Variants in SPG21 observed in about 807,000 individuals in gnomAD.
SPG21 encodes the protein SPG21 abhydrolase domain containing, maspardin.
Under a neutral mutation model 38.9 loss-of-function variants are expected in SPG21, and 26 were observed. The ratio of observed to expected loss-of-function variants is 0.67; its 90% CI spans 0.49 to 0.93. The LOEUF (loss-of-function observed/expected upper bound fraction) is 0.93, where lower values mean the gene tolerates loss of function less well. Ranked by LOEUF, SPG21 falls within the 40% of genes least tolerant of loss-of-function variation. The probability of loss-of-function intolerance (pLI) is 0.00; values close to 1 mark genes in which losing one functional copy is unlikely to be tolerated. For synonymous variants in SPG21, 136 were observed against 128.9 expected (o/e 1.05, Z -0.37); for missense variants, 333 against 376.5 (o/e 0.88, Z 0.96).
rs75375156 is a variant in SPG21 at position 64,980,388 on chromosome 15, C to G, written c.225+476G>C. Among the ~76,000 whole-genome samples the G allele has an allele frequency of 0.011, 1,634 of 152,210 alleles. 61 individuals carry two copies. The South Asian group carries it at 0.12, about 12-fold the overall frequency. On this transcript the variant is annotated intron_variant, in intron 3 of 8. Transcript: ENST00000204566. ...GTGACCGTGGACTCACACCAGCCTC[C>G]TTCAAAAGGCTTCATCTCACATATT...
At chr15:64,978,592 T>G (rs966407168) in intron 3 of SPG21, among the ~76,000 whole-genome samples, 1 of 152,216 alleles carries the variant, frequency 6.6e-6, no homozygotes, top group Non-Finnish European at 1.5e-5. Context: ...TTAGATTTGA[T>G]GTATGACTTT....
intron 5 of SPG21, among the ~76,000 whole-genome samples, chr15:64,974,000 AT>A: frequency 1.3e-5 from 2 of 152,200 alleles, no homozygotes. Flanking sequence ...ACACATAATA[AT>A]AAGTGGGATA....
intron 3 of SPG21, among the ~76,000 whole-genome samples, chr15:64,979,845 CAAAAAAAAAAA>C (rs71136305): frequency 8.9e-5 from 8 of 89,528 alleles, no homozygotes; most frequent in African/African-American, 1.5e-4. Context: ...TGGAAGCATG[CAAAAAAAAAAA>C]AAAAAAAAAA....
chr15:64,977,862 G>A (rs977055559), intron 3 of SPG21, among the ~76,000 whole-genome samples: 10 of 151,466 alleles, frequency 6.6e-5, no homozygotes, highest in Admixed American at 2.6e-4. Flanking sequence ...TCGCTCTGTC[G>A]CCCAGGCTGG....
chr15:64,968,471 A>G (rs945404855), intron 7 of SPG21, among the ~76,000 whole-genome samples: 43 of 152,264 alleles, frequency 2.8e-4, no homozygotes, highest in Admixed American at 2.2e-3. Flanking sequence ...TTCTACTTAT[A>G]TGAGGTTCTA....
At chr15:64,988,800 G>A (rs1002168648) in intron 1 of SPG21, 4 of 152,208 alleles carry the variant, frequency 2.6e-5, no homozygotes, top group African/African-American at 4.8e-5. Flanking sequence ...GGCTAACACG[G>A]TGAAACCCCG....
intron 4 of SPG21, among the ~76,000 whole-genome samples, chr15:64,975,638 T>C (rs1243974224): frequency 2.6e-5 from 4 of 152,062 alleles, no homozygotes; most frequent in African/African-American, 9.7e-5. Context: ...TGAAAACATA[T>C]GTCAACACAA....
rs1013639393 is a variant in SPG21, at chr15:64,981,143, C to G, written c.64-118G>C. The stretch of plus-strand genomic sequence containing the variant: ...TACTGCCTTGTTTGTTACAAGGTAA[C>G]CTGGAGCTCACACCAGATTAGCATG... On this transcript the variant is annotated intron_variant, in intron 2 of 8. Transcript: ENST00000204566. 13 of 1,240,218 alleles carry G rather than the reference C, an allele frequency of 1.0e-5. No homozygotes were observed. In the African/African-American group the frequency reaches 1.5e-4, roughly 14 times the overall value. 76.8% of individuals were successfully genotyped at this position (1,240,218 alleles called of 1,614,324 possible). A position where few individuals can be genotyped will look rare whatever the true frequency, so the allele number is the denominator to read the frequency against.
intron 3 of SPG21, 72 bp from the exon 4 acceptor site, chr15:64,976,627 T>C (rs2085780480): frequency 3.3e-6 from 4 of 1,209,180 alleles, no homozygotes; most frequent in Admixed American, 1.9e-5. Flanking sequence ...TTTGAAAAAC[T>C]TAGGACTCAA....
At position 64,974,104 on chromosome 15, in the gene SPG21, A is replaced by G. The variant is rs184160381; in HGVS notation, c.452+498T>C. 2.0e-5 allele frequency among the ~76,000 whole-genome samples: 3 copies of G among 152,344 alleles called. No individual in the cohort carries two copies. The East Asian group carries it at 5.8e-4, about 29-fold the overall frequency. ...AAACAAAATTTAAAAATTTAAGGTA[A>G]TAAAAAAAGCTGAATTTAGAGTTCA... On this transcript the variant is annotated intron_variant, in intron 5 of 8. Transcript: ENST00000204566.
Position 64,980,950 on chromosome 15 carries a change from T to C in SPG21, c.139A>G (p.Ile47Val), listed in dbSNP as rs2085873374. 6.2e-7 allele frequency: 1 copy of C among 1,614,020 alleles called. No individual in the cohort carries two copies. The highest frequency in any genetic ancestry group is 1.1e-5 in the South Asian group (1 of 91,080). ...AGPRSIRCPL[I>V]FLPPVSGTAD... Reference sequence around the variant, plus strand: ...GTTCCACTGACAGGGGGCAGGAATATGAGAGGACACCTGATACTTCGGGGG... The same window carrying C: ...GTTCCACTGACAGGGGGCAGGAATACGAGAGGACACCTGATACTTCGGGGG... The change falls in exon 3 of 9, where the codon ATA becomes GTA. Residue 47 changes from isoleucine (I) to valine (V), a missense_variant. By Grantham distance (29) the Ile-to-Val change is conservative. Transcript: ENST00000204566.
At chr15:64,968,340 C>CCAAAAAA (rs1260971823) in intron 7 of SPG21, among the ~76,000 whole-genome samples, 2 of 109,664 alleles carry the variant, frequency 1.8e-5, no homozygotes, top group African/African-American at 7.3e-5. Flanking sequence ...ACCCTGTTTC[C>CCAAAAAA]AAAAAAAAAA....
intron 2 of SPG21, chr15:64,983,179 AC>A (rs1478845826): frequency 3.8e-6 from 1 of 263,458 alleles, no homozygotes; most frequent in Non-Finnish European, 8.1e-6. Flanking sequence ...AATCTCTTGA[AC>A]CTGGGAAGCA....
intron 2 of SPG21, among the ~76,000 whole-genome samples, chr15:64,982,689 G>C (rs1455590902): frequency 6.6e-6 from 1 of 152,186 alleles, no homozygotes; most frequent in African/African-American, 2.4e-5. Flanking sequence ...CCAAACATCT[G>C]GGATTAATTT....
Position 64,971,077 on chromosome 15 carries a change from T to G in SPG21, c.453-855A>C, listed in dbSNP as rs551924658. On this transcript the variant is annotated intron_variant, in intron 5 of 8. Coordinates refer to ENST00000204566, the MANE Select transcript of SPG21 (RefSeq NM_016630.7). ...ATTAAAAAATTTAAAAAAAAACTTTTAGAGACAGGGTCTCACTCTGTTGCC... is the reference window on the plus strand; with the variant it reads ...ATTAAAAAATTTAAAAAAAAACTTTGAGAGACAGGGTCTCACTCTGTTGCC... 3.7e-4 allele frequency among the ~76,000 whole-genome samples: 56 copies of G among 152,266 alleles called. 1 individual carries two copies. In the Middle Eastern group the frequency reaches 0.01, roughly 28 times the overall value.
chr15:64,963,541 A>T lies in SPG21; in HGVS notation c.*79T>A. On this transcript the variant is annotated 3_prime_UTR_variant, in exon 9 of 9. Transcript: ENST00000204566. ...GTGAGCCTGACGAACCTGAAGGAAAAGGCTGGCTGACGGGTGCTGATGCCA... is the reference window on the plus strand; with the variant it reads ...GTGAGCCTGACGAACCTGAAGGAAATGGCTGGCTGACGGGTGCTGATGCCA... The T allele has an allele frequency of 8.3e-7, 1 of 1,210,124 alleles. No homozygotes were observed. The highest frequency in any genetic ancestry group is 1.2e-6 in the Non-Finnish European group (1 of 818,294). 75.0% of individuals were successfully genotyped at this position (1,210,124 alleles called of 1,614,324 possible). A position where few individuals can be genotyped will look rare whatever the true frequency, so the allele number is the denominator to read the frequency against.
rs2085870575 is a variant in SPG21 at position 64,980,848 on chromosome 15, A to C, written c.225+16T>G. The C allele has an allele frequency of 3.1e-6, 5 of 1,613,266 alleles. No individual in the cohort carries two copies. The highest frequency in any genetic ancestry group is 4.2e-6 in the Non-Finnish European group (5 of 1,179,752). The stretch of plus-strand genomic sequence containing the variant: ...CACACAAAACGTGGGTCTGAATTTT[A>C]ATCAGTAATACTTACAGCGATAACC... On this transcript the variant is annotated intron_variant, in intron 3 of 8. Transcript: ENST00000204566.
intron 7 of SPG21, 45 bp downstream of exon 7, chr15:64,969,210 C>T (rs369415954): frequency 1.6e-6 from 2 of 1,274,696 alleles, no homozygotes; most frequent in Non-Finnish European, 2.3e-6. Context: ...TTGACATACA[C>T]ATTTTAAAAA....
intron 1 of SPG21, chr15:64,988,634 T>A (rs796721300): frequency 1.3e-4 from 20 of 152,366 alleles, no homozygotes; most frequent in African/African-American, 4.6e-4. Flanking sequence ...ATCTGTGACA[T>A]CTCTTCTCAT....
Sources: gnomAD v4.1 joint callset for allele counts (sites outside exome capture counted in the v4.1 genomes callset) on GRCh38, gnomAD v4.1.1 for gene constraint, MANE v1.5 for transcripts, NCBI Gene and HGNC (gene_info 2026-07-23, HGNC 2026-07-21) for gene names.